Variants in CCDC180 observed in about 807,000 individuals in gnomAD.
CCDC180 encodes coiled-coil domain containing 180.
A neutral mutation model predicts 209.2 loss-of-function variants in CCDC180; 154 were observed. The ratio of observed to expected loss-of-function variants is 0.74; its 90% CI spans 0.65 to 0.84. The LOEUF is 0.84. Among genes scored for constraint, CCDC180 ranks in the 40% least tolerant of loss-of-function variants. The pLI, the probability that CCDC180 is intolerant of heterozygous loss-of-function variation, is 0.00. For missense variants in CCDC180, 1,874 were observed against 1,997.3 expected, an observed-to-expected ratio of 0.94 and a Z score of 1.18; for synonymous variants, 778 against 749.1, an observed-to-expected ratio of 1.04 and a Z score of -0.63.
intron 18 of CCDC180, among the ~76,000 whole-genome samples, chr9:97,335,637 T>C (rs958492475): frequency 2.6e-5 from 4 of 152,236 alleles, no homozygotes; most frequent in African/African-American, 9.6e-5. Flanking sequence ...GCAATAAACG[T>C]ACATGTGCAT....
chr9:97,358,470 A>G (rs1826652403), intron 25 of CCDC180, among the ~76,000 whole-genome samples: 1 of 152,082 alleles, frequency 6.6e-6, no homozygotes, highest in South Asian at 2.1e-4. Flanking sequence ...TCTGTGTTTA[A>G]AGTATGAAAA....
intron 25 of CCDC180, among the ~76,000 whole-genome samples, chr9:97,359,110 G>A (rs1028701004): frequency 3.9e-5 from 6 of 152,198 alleles, no homozygotes; most frequent in Admixed American, 3.9e-4. Context: ...GTTGTGCAGA[G>A]GAAGGGTGGC....
At chr9:97,343,983 G>A (rs921299664) in intron 19 of CCDC180, among the ~76,000 whole-genome samples, 12 of 152,272 alleles carry the variant, frequency 7.9e-5, no homozygotes, top group Admixed American at 7.8e-4. Context: ...CAAAATATAA[G>A]AATGGAACTG....
intron 31 of CCDC180, among the ~76,000 whole-genome samples, chr9:97,367,543 G>A (rs1826960954): frequency 1.3e-5 from 2 of 150,210 alleles, no homozygotes; most frequent in Admixed American, 6.7e-5. Flanking sequence ...CCGCAATCTC[G>A]GCTCACTGCA....
At chr9:97,354,809 C>A in intron 23 of CCDC180, 83 bp from the exon 24 acceptor site, 2 of 1,569,088 alleles carry the variant, frequency 1.3e-6, no homozygotes, top group Non-Finnish European at 1.8e-6. Flanking sequence ...TCCAACCATT[C>A]ACTGGGCCTG....
chr9:97,314,629 G>A lies in CCDC180; in HGVS notation c.600G>A (p.Glu200=). Residue 200 remains glutamate (E), a synonymous_variant, in exon 7 of 37, where the codon GAG becomes GAA. Coordinates refer to ENST00000529487, the MANE Select transcript of CCDC180 (RefSeq NM_020893.6). ...LEDYTIQALL[E]LWDKVAGRLL... is the part of the protein sequence containing the mutation. Reference sequence around the variant, plus strand: ...ACTTCTCTGCGTAGGCCCTGCTGGAGCTGTGGGATAAGGTGGCCGGGCGGT... The same window carrying A: ...ACTTCTCTGCGTAGGCCCTGCTGGAACTGTGGGATAAGGTGGCCGGGCGGT... 3 of 1,614,088 alleles carry A rather than the reference G, an allele frequency of 1.9e-6. No homozygotes were observed. Among genetic ancestry groups the A allele is most frequent in the Non-Finnish European group, 2.5e-6 (3 of 1,179,982 alleles).
Position 97,376,977 on chromosome 9 carries a change from C to T in CCDC180, c.*83C>T, listed in dbSNP as rs1053246347. 4 of 1,465,570 alleles carry T rather than the reference C, an allele frequency of 2.7e-6. No individual in the cohort carries two copies. The highest frequency in any genetic ancestry group is 3.7e-5 in the Admixed American group (2 of 54,760). The allele number at this position is 1,465,570 out of a possible 1,614,324, so 90.8% of individuals were successfully genotyped here. A position where few individuals can be genotyped will look rare whatever the true frequency, so the allele number is the denominator to read the frequency against. On this transcript the variant is annotated 3_prime_UTR_variant, in exon 37 of 37. Transcript: ENST00000529487. Reference sequence around the variant, plus strand: ...ACCTGCCTACCTACTTTCCGTCCATCCCTCCCTCCCTTCATCCCTCCACCC... The same window carrying T: ...ACCTGCCTACCTACTTTCCGTCCATTCCTCCCTCCCTTCATCCCTCCACCC...
intron 2 of CCDC180, among the ~76,000 whole-genome samples, chr9:97,308,542 C>T (rs1297765368): frequency 6.6e-6 from 1 of 152,172 alleles, no homozygotes; most frequent in African/African-American, 2.4e-5. Flanking sequence ...ATGTATTTCA[C>T]CATACTGAGC....
At chr9:97,307,515 C>A, upstream of CCDC180, 1 of 608,354 alleles carries the variant, frequency 1.6e-6, no homozygotes. Flanking sequence ...GTCTTCTCAG[C>A]ACACAGTAGG....
chr9:97,320,124 A>C lies in CCDC180; in HGVS notation c.1080-2A>C, dbSNP rs1312293250. ...GCTTACTTGCTGTATCTTCCTTCCC[A>C]GTGACCTCCTGCCCCCCAGTTACAG... On this transcript the variant is annotated splice_acceptor_variant, in intron 10 of 36. Transcript: ENST00000529487. LOFTEE classifies it high-confidence loss of function. The C allele has an allele frequency of 1.9e-6, 3 of 1,613,870 alleles. No individual in the cohort carries two copies. The highest frequency in any genetic ancestry group is 1.7e-4 in the Middle Eastern group (1 of 6,060).
chr9:97,317,802 C>T (rs553856170), intron 9 of CCDC180, among the ~76,000 whole-genome samples: 1 of 152,260 alleles, frequency 6.6e-6, no homozygotes, highest in East Asian at 1.9e-4. Context: ...GTGACCTTGA[C>T]CAAGCCCTTG....
At chr9:97,336,057 A>C (rs10759627) in intron 18 of CCDC180, among the ~76,000 whole-genome samples, 45,135 of 151,986 alleles carry the variant, frequency 0.3, 7,358 homozygotes, top group African/African-American at 0.42. Context: ...TGTTTAAGTT[A>C]TTTGTAGATT....
intron 27 of CCDC180, 144 bp from the exon 28 acceptor site, chr9:97,362,052 G>T: frequency 7.2e-7 from 1 of 1,383,258 alleles, no homozygotes; most frequent in Non-Finnish European, 9.8e-7. Flanking sequence ...CCCACCCAGA[G>T]CCCCAGTTTC....
Position 97,370,064 on chromosome 9 carries a change from G to A in CCDC180, c.4332G>A (p.Lys1444=). 1 of 1,614,020 alleles carries A rather than the reference G, an allele frequency of 6.2e-7. No homozygotes were observed. The highest frequency in any genetic ancestry group is 8.5e-7 in the Non-Finnish European group (1 of 1,179,966). Reference sequence around the variant, plus strand: ...GAGGACAGTTCGAGGAACAGCAGAAGCGGCTGGAGAAAAGAAAGGTGAGGG... The same window carrying A: ...GAGGACAGTTCGAGGAACAGCAGAAACGGCTGGAGAAAAGAAAGGTGAGGG... ...EIRGQFEEQQ[K]RLEKRKDKNA... Residue 1444 remains lysine, a synonymous_variant, in exon 32 of 37, where the codon AAG becomes AAA. Transcript: ENST00000529487.
chr9:97,374,098 C>G (rs943297715), intron 34 of CCDC180: 4 of 160,644 alleles, frequency 2.5e-5, no homozygotes, highest in African/African-American at 7.2e-5. Flanking sequence ...CCCCCTCGCC[C>G]CTGATCTAGA....
intron 18 of CCDC180, among the ~76,000 whole-genome samples, chr9:97,339,189 G>C (rs1826001434): frequency 6.6e-6 from 1 of 152,176 alleles, no homozygotes; most frequent in South Asian, 2.1e-4. Context: ...GTGTGAATTT[G>C]ATCCTGTCAT....
chr9:97,334,992 A>T (rs1337753505), intron 18 of CCDC180, among the ~76,000 whole-genome samples: 12 of 152,178 alleles, frequency 7.9e-5, no homozygotes, highest in Admixed American at 7.9e-4. Context: ...ACTGTTCTGG[A>T]TACAATAGCA....
rs779532357 is a variant in CCDC180, at chr9:97,366,741, G to T, written c.4189+41G>T. 1 of 1,603,174 alleles carries T rather than the reference G, an allele frequency of 6.2e-7. No homozygotes were observed. ...AGGAAGGCACGGGGAACAGGGCGGGGCGCGAAGCCAGTGGTGGAGCTCGGC... is the reference window on the plus strand; with the variant it reads ...AGGAAGGCACGGGGAACAGGGCGGGTCGCGAAGCCAGTGGTGGAGCTCGGC... On this transcript the variant is annotated intron_variant, in intron 31 of 36. Coordinates refer to ENST00000529487, the MANE Select transcript of CCDC180 (RefSeq NM_020893.6). This position sits in a 1 kb window ranked among gnomAD's most constrained non-coding sequence, Gnocchi z 4.3.
chr9:97,323,154 C>T (rs1432449257), intron 12 of CCDC180, among the ~76,000 whole-genome samples: 1 of 152,154 alleles, frequency 6.6e-6, no homozygotes, highest in Non-Finnish European at 1.5e-5. Flanking sequence ...GTTCCTTCTG[C>T]CCAGATCCCC....
Sources: gnomAD v4.1 joint callset for allele counts (sites outside exome capture counted in the v4.1 genomes callset) on GRCh38, gnomAD v4.1.1 for gene constraint, Gnocchi (gnomAD v3.1) non-coding constraint, MANE v1.5 for transcripts, NCBI Gene and HGNC (gene_info 2026-07-23, HGNC 2026-07-21) for gene names.